Variants in AHCYL2 observed in about 807,000 individuals in gnomAD.
AHCYL2 encodes the protein adenosylhomocysteinase like 2.
Under a neutral mutation model 81.4 loss-of-function variants are expected in AHCYL2, and 28 were observed. That is an observed-to-expected ratio of 0.34 (90% confidence interval 0.25 to 0.47). The LOEUF (loss-of-function observed/expected upper bound fraction) is 0.47, where lower values mean the gene tolerates loss of function less well. AHCYL2 is among the 20% of genes least tolerant of loss of function. The pLI is 1.00. For missense variants in AHCYL2, 551 were observed against 785.1 expected, an observed-to-expected ratio of 0.70 and a Z score of 3.56; for synonymous variants, 272 against 290.2, an observed-to-expected ratio of 0.94 and a Z score of 0.64.
chr7:129,292,221 A>G (rs148914077), intron 1 of AHCYL2, among the ~76,000 whole-genome samples: 1 of 152,356 alleles, frequency 6.6e-6, no homozygotes, highest in East Asian at 1.9e-4. Flanking sequence ...ACAGGTTCAT[A>G]ACATTCTCAT....
intron 1 of AHCYL2, among the ~76,000 whole-genome samples, chr7:129,312,747 T>C (rs1044377049): frequency 6.6e-6 from 1 of 152,186 alleles, no homozygotes; most frequent in African/African-American, 2.4e-5. Context: ...ACCATCCACA[T>C]TGAGACATTG....
intron 1 of AHCYL2, among the ~76,000 whole-genome samples, chr7:129,364,789 C>G (rs1403605301): frequency 3.3e-5 from 5 of 151,862 alleles, no homozygotes; most frequent in Non-Finnish European, 7.4e-5. Context: ...GGGTGCAGAT[C>G]GAGCAATGGA....
intron 1 of AHCYL2, among the ~76,000 whole-genome samples, chr7:129,378,386 G>A (rs1381281903): frequency 6.6e-6 from 1 of 152,186 alleles, no homozygotes; most frequent in Admixed American, 6.5e-5. Context: ...ACAAATTAGA[G>A]TGGCTACCTG....
At chr7:129,392,104 T>A (rs1212032095) in intron 4 of AHCYL2, among the ~76,000 whole-genome samples, 2 of 152,160 alleles carry the variant, frequency 1.3e-5, no homozygotes, top group African/African-American at 4.8e-5. Context: ...CCCTTTCTAT[T>A]TTTTTCCTGA....
At chr7:129,260,851 C>T (rs569134284) in intron 1 of AHCYL2, among the ~76,000 whole-genome samples, 100 of 152,132 alleles carry the variant, frequency 6.6e-4, no homozygotes, top group Non-Finnish European at 9.9e-4. Context: ...TGCAGTGGCA[C>T]GATCTCTGCT....
intron 1 of AHCYL2, among the ~76,000 whole-genome samples, chr7:129,232,995 T>C (rs1794501674): frequency 6.6e-6 from 1 of 152,242 alleles, no homozygotes; most frequent in South Asian, 2.1e-4. Context: ...CCTAACCATC[T>C]ACCTTCTTAG....
chr7:129,395,181 C>T (rs2150916975), intron 4 of AHCYL2, among the ~76,000 whole-genome samples: 1 of 152,330 alleles, frequency 6.6e-6, no homozygotes, highest in African/African-American at 2.4e-5. Flanking sequence ...AAGGACATTC[C>T]TCAGTGCTTC....
At chr7:129,349,884 TA>T (rs1461541256) in intron 1 of AHCYL2, among the ~76,000 whole-genome samples, 1 of 152,122 alleles carries the variant, frequency 6.6e-6, no homozygotes, top group East Asian at 1.9e-4. Context: ...TCTACACTAA[TA>T]AAAAATGCCT....
chr7:129,390,276 T>C (rs1795404595), intron 4 of AHCYL2, among the ~76,000 whole-genome samples: 1 of 152,208 alleles, frequency 6.6e-6, no homozygotes, highest in South Asian at 2.1e-4. Flanking sequence ...TTGGGTACTA[T>C]AAATAACCTA....
intron 10 of AHCYL2, among the ~76,000 whole-genome samples, chr7:129,407,811 G>A (rs899948020): frequency 2.0e-5 from 3 of 152,190 alleles, no homozygotes; most frequent in Admixed American, 6.5e-5. Context: ...GGAGTTAAAC[G>A]GCACATGCTT....
intron 1 of AHCYL2, among the ~76,000 whole-genome samples, chr7:129,312,514 TCCTCCTGCCTTAG>T (rs1283581151): frequency 6.6e-6 from 1 of 152,164 alleles, no homozygotes; most frequent in Non-Finnish European, 1.5e-5. Context: ...GCCTAGTCCA[TCCTCCTGCCTTAG>T]CCTCCCAAGT....
At chr7:129,292,764 C>G (rs1796912236) in intron 1 of AHCYL2, among the ~76,000 whole-genome samples, 1 of 150,104 alleles carries the variant, frequency 6.7e-6, no homozygotes, top group African/African-American at 2.5e-5. Context: ...GAGACTCTGT[C>G]TTAAAAAAAA....
At chr7:129,411,542 C>T (rs1026443575) in intron 11 of AHCYL2, among the ~76,000 whole-genome samples, 2 of 152,008 alleles carry the variant, frequency 1.3e-5, no homozygotes, top group Non-Finnish European at 2.9e-5. Context: ...GGTGGACCAC[C>T]TGAGGTCAGG....
At chr7:129,350,777 C>G (rs1291946657) in intron 1 of AHCYL2, among the ~76,000 whole-genome samples, 1 of 147,140 alleles carries the variant, frequency 6.8e-6, no homozygotes, top group Non-Finnish European at 1.5e-5. Context: ...GCTCTCAGCT[C>G]ACTGCAATCT....
At chr7:129,286,431 G>T (rs536001810) in intron 1 of AHCYL2, among the ~76,000 whole-genome samples, 25 of 151,270 alleles carry the variant, frequency 1.7e-4, no homozygotes, top group Non-Finnish European at 1.9e-4. Flanking sequence ...AAATATGAGA[G>T]GAGGGGAGTT....
chr7:129,228,341 G>C (rs1214749339), intron 1 of AHCYL2, among the ~76,000 whole-genome samples: 4 of 152,230 alleles, frequency 2.6e-5, no homozygotes, highest in Admixed American at 2.0e-4. Flanking sequence ...ACAAGAGCCA[G>C]AATTCCCAAG....
intron 1 of AHCYL2, among the ~76,000 whole-genome samples, chr7:129,318,841 A>G (rs1413403298): frequency 6.6e-6 from 1 of 151,810 alleles, no homozygotes; most frequent in African/African-American, 2.4e-5. Context: ...GGTTGGTTAC[A>G]TGGATAAGTT....
intron 1 of AHCYL2, among the ~76,000 whole-genome samples, chr7:129,332,753 A>T (rs1477073481): frequency 6.6e-6 from 1 of 152,218 alleles, no homozygotes; most frequent in East Asian, 1.9e-4. Context: ...TTCTGTTGCC[A>T]TGTAAACCAA....
At chr7:129,296,813 A>G (rs1411749342) in intron 1 of AHCYL2, among the ~76,000 whole-genome samples, 2 of 152,222 alleles carry the variant, frequency 1.3e-5, no homozygotes, top group East Asian at 1.9e-4. Context: ...TAGGATGCTT[A>G]TACCTATTTT....
Sources: allele counts gnomAD v4.1 joint callset (sites outside exome capture counted in the v4.1 genomes callset), GRCh38; gene constraint gnomAD v4.1.1; transcripts MANE v1.5; gene names NCBI Gene and HGNC (gene_info 2026-07-23, HGNC 2026-07-21).